GRIK1: variants seen among roughly 807,000 people sequenced by gnomAD.
The protein encoded by GRIK1 is glutamate receptor ionotropic, kainate 1.
In GRIK1, 69 loss-of-function variants were observed where a neutral mutation model predicts 105.7. The ratio of observed to expected loss-of-function variants is 0.65; its 90% CI spans 0.54 to 0.80. The LOEUF (loss-of-function observed/expected upper bound fraction) is 0.80, where lower values mean the gene tolerates loss of function less well. Among genes scored for constraint, GRIK1 ranks in the 30% least tolerant of loss-of-function variants. The pLI is 0.00. For synonymous variants in GRIK1, 438 were observed against 431.3 expected (o/e 1.02, Z -0.19); for missense variants, 1,109 against 1,167.3 (o/e 0.95, Z 0.73).
intron 1 of GRIK1, among the ~76,000 whole-genome samples, chr21:29,696,608 G>A (rs545676968): frequency 6.6e-6 from 1 of 152,198 alleles, no homozygotes; most frequent in Non-Finnish European, 1.5e-5. Context: ...GCTGCCTGGC[G>A]ATAGGGCTTC....
At chr21:29,725,276 G>C (rs1401163766) in intron 1 of GRIK1, among the ~76,000 whole-genome samples, 1 of 152,158 alleles carries the variant, frequency 6.6e-6, no homozygotes, top group Non-Finnish European at 1.5e-5. Context: ...GTAAACATTG[G>C]AGAGTAAGCA....
intron 14 of GRIK1, among the ~76,000 whole-genome samples, chr21:29,571,414 G>T (rs2090747075): frequency 6.6e-6 from 1 of 151,878 alleles, no homozygotes; most frequent in Non-Finnish European, 1.5e-5. Flanking sequence ...AGCTCAGGTG[G>T]TAGATAGTGG....
At chr21:29,915,487 T>G (rs1407302825) in intron 1 of GRIK1, among the ~76,000 whole-genome samples, 1 of 152,064 alleles carries the variant, frequency 6.6e-6, no homozygotes, top group Non-Finnish European at 1.5e-5. Flanking sequence ...TCACATATAC[T>G]GCCCTGCTAG....
intron 1 of GRIK1, among the ~76,000 whole-genome samples, chr21:29,888,158 C>CTTTT: frequency 2.3e-5 from 1 of 44,030 alleles, no homozygotes; most frequent in South Asian, 9.8e-4. Flanking sequence ...TCCCTCCTTT[C>CTTTT]TTTTTTCTTT....
At chr21:29,761,482 A>T (rs904025186) in intron 1 of GRIK1, 1 of 152,198 alleles carries the variant, frequency 6.6e-6, no homozygotes, top group African/African-American at 2.4e-5. Context: ...TGAAGAAAAG[A>T]TCGAATATTA....
chr21:29,677,667 T>C (rs1166837309), intron 3 of GRIK1, among the ~76,000 whole-genome samples: 1 of 152,184 alleles, frequency 6.6e-6, no homozygotes, highest in Non-Finnish European at 1.5e-5. Flanking sequence ...CTTTGCTATT[T>C]AGATTGCCCC....
chr21:29,779,701 T>A (rs1158321825), intron 1 of GRIK1, among the ~76,000 whole-genome samples: 1 of 152,176 alleles, frequency 6.6e-6, no homozygotes, highest in Non-Finnish European at 1.5e-5. Flanking sequence ...CCCAAACAAC[T>A]TAGGGAATCA....
intron 8 of GRIK1, 139 bp from the exon 9 acceptor site, chr21:29,596,709 A>C (rs548256741): frequency 1.4e-6 from 1 of 717,548 alleles, no homozygotes. Flanking sequence ...TCTTAATTCA[A>C]TATAAAGCCT....
chr21:29,601,111 G>A, intron 7 of GRIK1: 1 of 346,428 alleles, frequency 2.9e-6, no homozygotes, highest in South Asian at 2.4e-5. Flanking sequence ...ATTTGAAATG[G>A]TGGACTGAGC....
At chr21:29,537,444 C>T in intron 17 of GRIK1, 59 bp from the exon 18 acceptor site, 1 of 1,364,794 alleles carries the variant, frequency 7.3e-7, no homozygotes, top group Non-Finnish European at 1.0e-6. Flanking sequence ...GTGCCGTTGA[C>T]CTGCCTCTTG....
intron 7 of GRIK1, among the ~76,000 whole-genome samples, 160 bp downstream of exon 7, chr21:29,642,666 G>T (rs363592): frequency 0.012 from 1,881 of 152,280 alleles, 50 homozygotes; most frequent in African/African-American, 0.043. Flanking sequence ...AGTCCTTCTG[G>T]ACAAACTTTT....
At chr21:29,725,258 G>A (rs1601538145) in intron 1 of GRIK1, among the ~76,000 whole-genome samples, 1 of 152,272 alleles carries the variant, frequency 6.6e-6, no homozygotes, top group Middle Eastern at 3.4e-3. Flanking sequence ...ACAGATCATT[G>A]CTAGTAAGTA....
At chr21:29,926,589 C>T (rs1183830616) in intron 1 of GRIK1, among the ~76,000 whole-genome samples, 4 of 151,854 alleles carry the variant, frequency 2.6e-5, no homozygotes, top group African/African-American at 4.8e-5. Flanking sequence ...GGCTCTGCCT[C>T]GTGTTGAACA....
chr21:29,545,026 G>A (rs1014992504), intron 16 of GRIK1, among the ~76,000 whole-genome samples: 1 of 152,242 alleles, frequency 6.6e-6, no homozygotes. Flanking sequence ...GAGCAGAGAA[G>A]TGTCAGTGGG....
intron 1 of GRIK1, among the ~76,000 whole-genome samples, chr21:29,716,694 G>A (rs1464444233): frequency 2.0e-5 from 3 of 152,174 alleles, no homozygotes; most frequent in African/African-American, 7.2e-5. Context: ...AAATTTCTAA[G>A]TGGCAAAGCA....
At chr21:29,773,136 A>G (rs1033565679) in intron 1 of GRIK1, among the ~76,000 whole-genome samples, 1 of 152,194 alleles carries the variant, frequency 6.6e-6, no homozygotes, top group African/African-American at 2.4e-5. Context: ...AACTTTTATG[A>G]TAATATCTTT....
Position 29,897,748 on chromosome 21 carries a change from T to G in GRIK1, c.118+41635A>C, listed in dbSNP as rs950275583. On this transcript the variant is annotated intron_variant, in intron 1 of 17. Coordinates refer to ENST00000327783, the MANE Select transcript of GRIK1 (RefSeq NM_001330994.2). ...CATAAACCATGGGCAAGTTATTTAA[T>G]CTCTGATTTTTAGAATCTTTAGCTG... Among the ~76,000 whole-genome samples the G allele has an allele frequency of 2.0e-5, 3 of 152,216 alleles. No individual in the cohort carries two copies. The South Asian group carries it at 6.2e-4, about 31-fold the overall frequency.
rs2089895270 is a variant in GRIK1 at position 29,537,325 on chromosome 21, T to A, written c.2755A>T (p.Ile919Leu). The change falls in exon 18 of 18, where the codon ATA becomes TTA. Residue 919 changes from isoleucine (I) to leucine (L), a missense_variant. Physicochemically the swap from Ile to Leu is conservative, Grantham distance 5 (BLOSUM62 2). Transcript: ENST00000327783. ...CCCTTAGTTCTTGACTTTTTCTTTA[T>A]TTTTTTCTGATTCTTCAGTGAGATT... The part of the protein sequence containing the change: ...LGISLKNQKK[I>L]KKKSRTKGKS... 1.2e-6 allele frequency: 2 copies of A among 1,611,068 alleles called. No individual in the cohort carries two copies. The highest frequency in any genetic ancestry group is 1.7e-6 in the Non-Finnish European group (2 of 1,177,740).
intron 1 of GRIK1, among the ~76,000 whole-genome samples, chr21:29,862,940 G>A (rs573450328): frequency 6.6e-6 from 1 of 152,286 alleles, no homozygotes; most frequent in East Asian, 1.9e-4. Flanking sequence ...TGGTCTGCTG[G>A]CAGTATTCCA....
Sources: allele counts gnomAD v4.1 joint callset (sites outside exome capture counted in the v4.1 genomes callset), GRCh38; gene constraint gnomAD v4.1.1; transcripts MANE v1.5; gene names NCBI Gene and HGNC (gene_info 2026-07-23, HGNC 2026-07-21).